Variants in TMEFF2 observed in about 807,000 individuals in gnomAD.
The protein encoded by TMEFF2 is tomoregulin-2.
In TMEFF2, 28 loss-of-function variants were observed where a neutral mutation model predicts 53.8. The ratio of observed to expected loss-of-function variants is 0.52; its 90% CI spans 0.39 to 0.71. The LOEUF is 0.71. Ranked by LOEUF, TMEFF2 falls within the 30% of genes least tolerant of loss-of-function variation. The pLI is 0.00. For synonymous variants in TMEFF2, 162 were observed against 166.3 expected (o/e 0.97, Z 0.20); for missense variants, 353 against 455.2 (o/e 0.78, Z 2.04).
In TMEFF2 at chr2:191,950,379, T is replaced by C. The variant is rs151097045; in HGVS notation, c.1057A>G (p.Arg353Gly). Residue 353 changes from arginine to glycine, a missense_variant, in exon 10 of 10, where the codon AGA becomes GGA. Transcript: ENST00000272771. ...RKCPRSNRIH[R>G]QKQNTGHYSS... is the part of the protein sequence containing the mutation. ...TAGTGCCCTGTATTTTGCTTCTGTCTGTGAATTCTGTTGCTTCTGGGGCAT... is the reference window on the plus strand; with the variant it reads ...TAGTGCCCTGTATTTTGCTTCTGTCCGTGAATTCTGTTGCTTCTGGGGCAT... 6.2e-7 allele frequency: 1 copy of C among 1,613,950 alleles called. No individual in the cohort carries two copies. The highest frequency in any genetic ancestry group is 1.3e-5 in the African/African-American group (1 of 74,926).
chr2:192,057,542 A>AT (rs149272434), intron 5 of TMEFF2, 137 bp downstream of exon 5: 28,106 of 668,304 alleles, frequency 0.042, 154 homozygotes, highest in East Asian at 0.055. Context: ...CCTTGCCCTC[A>AT]TTTTTTTTTT....
rs767888964 is a variant in TMEFF2 at position 192,042,465 on chromosome 2, A to G, written c.536+15214T>C. Among the ~76,000 whole-genome samples, 4 of 152,206 alleles carry G rather than the reference A, an allele frequency of 2.6e-5. No individual in the cohort carries two copies. In the East Asian group the frequency reaches 7.7e-4, roughly 29 times the overall value. Reference sequence around the variant, plus strand: ...ACTCAAGTTCCAGCGGGCACCTAAAAGTGTGATAGGAAGTGAAATCCGTGA... The same window carrying G: ...ACTCAAGTTCCAGCGGGCACCTAAAGGTGTGATAGGAAGTGAAATCCGTGA... On this transcript the variant is annotated intron_variant, in intron 5 of 9. Coordinates refer to ENST00000272771, the MANE Select transcript of TMEFF2 (RefSeq NM_016192.4).
chr2:191,952,644 G>A (rs1254380473), intron 9 of TMEFF2, among the ~76,000 whole-genome samples: 1 of 152,122 alleles, frequency 6.6e-6, no homozygotes. Context: ...AAGCCTTGAG[G>A]CCAGGCGAGG....
intron 5 of TMEFF2, among the ~76,000 whole-genome samples, chr2:192,048,515 GAA>G (rs1269990929): frequency 2.0e-5 from 3 of 150,468 alleles, no homozygotes; most frequent in African/African-American, 7.3e-5. Context: ...TTTATATTTA[GAA>G]AAAATGTAAA....
intron 4 of TMEFF2, among the ~76,000 whole-genome samples, chr2:192,076,270 G>A (rs1011187147): frequency 6.6e-6 from 1 of 151,630 alleles, no homozygotes; most frequent in Admixed American, 6.6e-5. Context: ...ATGCATTATT[G>A]TCCTCTCCTT....
chr2:191,984,733 G>C (rs1025473286), intron 7 of TMEFF2, among the ~76,000 whole-genome samples: 1 of 151,932 alleles, frequency 6.6e-6, no homozygotes, highest in African/African-American at 2.4e-5. Flanking sequence ...CATTAGGGGA[G>C]GGGAAAAAAA....
chr2:192,023,686 T>C (rs536099244), intron 5 of TMEFF2, among the ~76,000 whole-genome samples: 1 of 149,452 alleles, frequency 6.7e-6, no homozygotes, highest in East Asian at 1.9e-4. Context: ...GTCTGTCTGT[T>C]TGTTTATCTT....
chr2:192,139,898 G>T (rs1256910235), intron 4 of TMEFF2, among the ~76,000 whole-genome samples: 3 of 152,188 alleles, frequency 2.0e-5, no homozygotes, highest in Non-Finnish European at 2.9e-5. Context: ...GTAGGAAGGA[G>T]TCTAGAGAGG....
At chr2:192,028,700 C>T (rs995217375) in intron 5 of TMEFF2, 1 of 151,964 alleles carries the variant, frequency 6.6e-6, no homozygotes, top group Non-Finnish European at 1.5e-5. Context: ...CAGTTAAATT[C>T]GTTTTGTGTA....
chr2:192,100,726 T>C (rs887431621), intron 4 of TMEFF2, among the ~76,000 whole-genome samples: 1 of 152,178 alleles, frequency 6.6e-6, no homozygotes, highest in African/African-American at 2.4e-5. Context: ...AATAATCTGA[T>C]TTTTTATCTG....
chr2:192,142,468 T>C (rs1690161114), intron 4 of TMEFF2, among the ~76,000 whole-genome samples: 1 of 152,168 alleles, frequency 6.6e-6, no homozygotes, highest in Admixed American at 6.5e-5. Context: ...TAAAATTTTA[T>C]CTGAAGATTG....
Position 191,950,049 on chromosome 2 carries a change from A to G in TMEFF2, c.*262T>C. The G allele has an allele frequency of 5.1e-6, 6 of 1,177,606 alleles. No individual in the cohort carries two copies. Among genetic ancestry groups the G allele is most frequent in the Non-Finnish European group, 6.4e-6 (6 of 944,528 alleles). The allele number at this position is 1,177,606 out of a possible 1,614,324, so 72.9% of individuals were successfully genotyped here. A position where few individuals can be genotyped will look rare whatever the true frequency, so the allele number is the denominator to read the frequency against. On this transcript the variant is annotated 3_prime_UTR_variant, in exon 10 of 10. Coordinates refer to ENST00000272771, the MANE Select transcript of TMEFF2 (RefSeq NM_016192.4). ...TCATCACTGAGTATTTATTATATATAACAAATACATGGGAAAGAAAAAACT... is the reference window on the plus strand; with the variant it reads ...TCATCACTGAGTATTTATTATATATGACAAATACATGGGAAAGAAAAAACT...
At chr2:192,157,672 C>G (rs868045980) in intron 4 of TMEFF2, among the ~76,000 whole-genome samples, 1 of 151,950 alleles carries the variant, frequency 6.6e-6, no homozygotes, top group African/African-American at 2.4e-5. Flanking sequence ...TCTACCGTCC[C>G]TATTCCCTCA....
At chr2:192,090,397 T>C (rs540982814) in intron 4 of TMEFF2, among the ~76,000 whole-genome samples, 2 of 152,302 alleles carry the variant, frequency 1.3e-5, no homozygotes, top group African/African-American at 4.8e-5. Flanking sequence ...ATTCATAAAG[T>C]CCTTTGGCAT....
In TMEFF2 at chr2:192,148,576, GCCCT is replaced by G. The variant is rs573400959; in HGVS notation, c.439+31088_439+31091del. On this transcript the variant is annotated intron_variant, in intron 4 of 9. Coordinates refer to ENST00000272771, the MANE Select transcript of TMEFF2 (RefSeq NM_016192.4). ...GTGATATGTCATTGACTATCAGAAGGCCCTTAAACTGTTTACTCTTCGTTAATAT... is the reference window on the plus strand; with the variant it reads ...GTGATATGTCATTGACTATCAGAAGGTAAACTGTTTACTCTTCGTTAATAT... Among the ~76,000 whole-genome samples the G allele has an allele frequency of 4.8e-3, 731 of 152,080 alleles. 12 individuals are homozygous for G. The highest frequency in any genetic ancestry group is 5.7e-3 in the Non-Finnish European group (387 of 67,960).
intron 7 of TMEFF2, among the ~76,000 whole-genome samples, chr2:191,968,403 A>G (rs1692528542): frequency 6.6e-6 from 1 of 152,184 alleles, no homozygotes; most frequent in Non-Finnish European, 1.5e-5. Flanking sequence ...GATAAATGAT[A>G]TTAAAACAAA....
intron 8 of TMEFF2, 63 bp downstream of exon 8, chr2:191,956,192 C>T: frequency 6.7e-7 from 1 of 1,497,012 alleles, no homozygotes; most frequent in South Asian, 1.3e-5. Flanking sequence ...CTATAAACAT[C>T]TACAATTTAG....
intron 4 of TMEFF2, among the ~76,000 whole-genome samples, chr2:192,079,083 T>C (rs1368922396): frequency 6.6e-6 from 1 of 152,220 alleles, no homozygotes; most frequent in African/African-American, 2.4e-5. Flanking sequence ...CCTTCAACCG[T>C]TAAGGCCTTC....
chr2:192,135,344 TAG>T (rs1421957162), intron 4 of TMEFF2, among the ~76,000 whole-genome samples: 1 of 151,944 alleles, frequency 6.6e-6, no homozygotes, highest in African/African-American at 2.4e-5. Context: ...TCAGATGTCC[TAG>T]GTCCTCCCAA....
Sources: allele counts gnomAD v4.1 joint callset (sites outside exome capture counted in the v4.1 genomes callset), GRCh38; gene constraint gnomAD v4.1.1; transcripts MANE v1.5; gene names NCBI Gene and HGNC (gene_info 2026-07-23, HGNC 2026-07-21).